LRRC27: variants seen among roughly 807,000 people sequenced by gnomAD.
LRRC27 encodes the protein leucine-rich repeat-containing protein 27.
Under a neutral mutation model 55.0 loss-of-function variants are expected in LRRC27, and 57 were observed. The observed-to-expected ratio is 1.04, with a 90% confidence interval of 0.84 to 1.29. The LOEUF is 1.29. Ranked by LOEUF, LRRC27 falls within the 50% of genes most tolerant of loss-of-function variation. The probability of loss-of-function intolerance (pLI) is 0.00; values close to 1 mark genes in which losing one functional copy is unlikely to be tolerated. For synonymous variants in LRRC27, 278 were observed against 251.9 expected (o/e 1.10, Z -0.98); for missense variants, 721 against 651.5 (o/e 1.11, Z -1.16).
rs751651542 is a variant in LRRC27, at chr10:132,342,235, G to T, written c.364G>T (p.Glu122Ter). 6.4e-7 allele frequency: 1 copy of T among 1,554,562 alleles called. No homozygotes were observed. The highest frequency in any genetic ancestry group is 1.2e-5 in the South Asian group (1 of 83,310). Residue 122 changes from glutamate to a stop codon, truncating the protein, a stop_gained, in exon 4 of 11, where the codon GAA becomes TAA. Coordinates refer to ENST00000368614, the MANE Select transcript of LRRC27 (RefSeq NM_030626.3). LOFTEE classifies it high-confidence loss of function. ...AHQHLKTLLL[E>*]RNPIKMLPVE... ...AAGGCATTTGAAAACTTTGCTTTTA[G>T]AAAGAAATCCTATCAAAATGTTACC...
intron 8 of LRRC27, among the ~76,000 whole-genome samples, chr10:132,358,835 C>G (rs62650809): frequency 0.67 from 826 of 1,230 alleles, 340 homozygotes; most frequent in Non-Finnish European, 0.7. Context: ...AGGAGCCGAG[C>G]TGGTGGAGCA....
chr10:132,336,226 A>T (rs535936440), intron 2 of LRRC27, among the ~76,000 whole-genome samples: 1 of 152,176 alleles, frequency 6.6e-6, no homozygotes, highest in Admixed American at 6.5e-5. Flanking sequence ...TGGGGGGGGA[A>T]GAACAGGACC....
intron 9 of LRRC27, among the ~76,000 whole-genome samples, chr10:132,364,675 C>A (rs529170033): frequency 2.5e-5 from 3 of 118,836 alleles, no homozygotes; most frequent in African/African-American, 8.9e-5. Flanking sequence ...TGCACACCCA[C>A]GCTTACACCC....
At chr10:132,340,667 TA>T (rs1383075956) in intron 3 of LRRC27, among the ~76,000 whole-genome samples, 4 of 152,132 alleles carry the variant, frequency 2.6e-5, no homozygotes, top group Non-Finnish European at 5.9e-5. Context: ...GTTTATTCCT[TA>T]AAAACTTCAA....
intron 8 of LRRC27, among the ~76,000 whole-genome samples, chr10:132,357,974 A>G (rs2068383257): frequency 6.6e-6 from 1 of 152,168 alleles, no homozygotes; most frequent in Admixed American, 6.5e-5. Context: ...ACGCATGGAG[A>G]GGCCTGCTGC....
At chr10:132,331,941 C>T (rs1425778781), upstream of LRRC27, 14 of 587,510 alleles carry the variant, frequency 2.4e-5, no homozygotes, top group Non-Finnish European at 3.6e-5. Context: ...GCGCAACCCC[C>T]CGCCCCAGCG....
intron 8 of LRRC27, among the ~76,000 whole-genome samples, chr10:132,356,754 G>A (rs2068330459): frequency 6.6e-6 from 1 of 152,262 alleles, no homozygotes; most frequent in Non-Finnish European, 1.5e-5. Flanking sequence ...CTGCGGGCAT[G>A]GGCCGTGGGC....
At chr10:132,346,140 C>T (rs886728633) in intron 5 of LRRC27, among the ~76,000 whole-genome samples, 3 of 152,130 alleles carry the variant, frequency 2.0e-5, no homozygotes, top group East Asian at 1.9e-4. Flanking sequence ...GAGGCGAGGG[C>T]GGGTAGGCTC....
At chr10:132,359,492 C>T (rs540754630) in intron 8 of LRRC27, among the ~76,000 whole-genome samples, 1 of 152,240 alleles carries the variant, frequency 6.6e-6, no homozygotes, top group Non-Finnish European at 1.5e-5. Flanking sequence ...CCTTGGGTGG[C>T]CACTGCTGGG....
At chr10:132,363,427 C>G (rs2068740586) in intron 9 of LRRC27, among the ~76,000 whole-genome samples, 1 of 152,176 alleles carries the variant, frequency 6.6e-6, no homozygotes, top group Admixed American at 6.5e-5. Flanking sequence ...GTATAAGGAC[C>G]AGGCTGACAC....
intron 4 of LRRC27, among the ~76,000 whole-genome samples, chr10:132,343,120 TA>T (rs1454631989): frequency 6.6e-6 from 1 of 151,970 alleles, no homozygotes; most frequent in Non-Finnish European, 1.5e-5. Flanking sequence ...CCAGCCTGGG[TA>T]ACATAGTGAG....
chr10:132,355,500 G>A (rs2068264768), intron 7 of LRRC27, among the ~76,000 whole-genome samples: 1 of 152,178 alleles, frequency 6.6e-6, no homozygotes, highest in Admixed American at 6.5e-5. Flanking sequence ...ACCTGAAAGG[G>A]GTCCTGATGC....
At chr10:132,371,216 G>A (rs571347324) in intron 10 of LRRC27, among the ~76,000 whole-genome samples, 4 of 152,370 alleles carry the variant, frequency 2.6e-5, no homozygotes, top group South Asian at 4.1e-4. Context: ...GTGGCATGGC[G>A]TGCGTCGGGA....
At chr10:132,364,481 C>T (rs74208603) in intron 9 of LRRC27, among the ~76,000 whole-genome samples, 2 of 8,544 alleles carry the variant, frequency 2.3e-4, no homozygotes, top group Admixed American at 1.5e-3. Context: ...TTACACCCAC[C>T]CACACTTACA....
At chr10:132,346,393 G>A (rs1344242214) in intron 5 of LRRC27, among the ~76,000 whole-genome samples, 1 of 151,942 alleles carries the variant, frequency 6.6e-6, no homozygotes, top group East Asian at 1.9e-4. Flanking sequence ...AAAAGTCTTT[G>A]CTGGCGGGCG....
At chr10:132,333,807 C>A in intron 2 of LRRC27, 73 bp downstream of exon 2, 3 of 1,144,810 alleles carry the variant, frequency 2.6e-6, no homozygotes, top group Non-Finnish European at 3.7e-6. Flanking sequence ...TACCCCTGGG[C>A]TTTATTTGTA....
At position 132,378,500 on chromosome 10, in the gene LRRC27, T is replaced by C. The variant is rs574892053; in HGVS notation, c.*3258T>C. 6.6e-6 allele frequency: 1 copy of C among 152,222 alleles called. No homozygotes were observed. The highest frequency in any genetic ancestry group is 1.5e-5 in the Non-Finnish European group (1 of 68,060). The allele number at this position is 152,222 out of a possible 1,614,324, so 9.4% of individuals were successfully genotyped here. A position where few individuals can be genotyped will look rare whatever the true frequency, so the allele number is the denominator to read the frequency against. On this transcript the variant is annotated 3_prime_UTR_variant, in exon 11 of 11. Transcript: ENST00000368614. ...GTGTATGCATTCGTGCGTACGAGTG[T>C]GTGCATGTGTGCGCCCGTGTGTATG...
rs1285654022 is a variant in LRRC27, at chr10:132,374,192, GGT to G, written c.1417-872_1417-871del. The stretch of plus-strand genomic sequence containing the variant: ...GGGACCTGCTGTGATATGGCTGCAT[GGT>G]GAGGGGGTGCAGTGGCTCCAGGGAC... On this transcript the variant is annotated intron_variant, in intron 10 of 10. Coordinates refer to ENST00000368614, the MANE Select transcript of LRRC27 (RefSeq NM_030626.3). The surrounding 1 kb of genome is among the most constrained non-coding windows in gnomAD (Gnocchi z 4.4). 1.8e-4 allele frequency among the ~76,000 whole-genome samples: 24 copies of G among 136,906 alleles called. No homozygotes were observed. The highest frequency in any genetic ancestry group is 3.8e-4 in the African/African-American group (13 of 34,594). The allele number at this position is 136,906 out of a possible 152,430, so 89.8% of individuals were successfully genotyped here. A position where few individuals can be genotyped will look rare whatever the true frequency, so the allele number is the denominator to read the frequency against.
chr10:132,360,543 T>C (rs2068565494), intron 8 of LRRC27, among the ~76,000 whole-genome samples: 1 of 152,100 alleles, frequency 6.6e-6, no homozygotes, highest in South Asian at 2.1e-4. Flanking sequence ...GTGGGAGGGA[T>C]AGGAAAAGGT....
Sources: allele counts gnomAD v4.1 joint callset (sites outside exome capture counted in the v4.1 genomes callset), GRCh38; gene constraint gnomAD v4.1.1; non-coding constraint Gnocchi (gnomAD v3.1); transcripts MANE v1.5; gene names NCBI Gene and HGNC (gene_info 2026-07-23, HGNC 2026-07-21).